Variants in RAP1GAP2 observed in about 807,000 individuals in gnomAD.
RAP1GAP2 encodes the protein RAP1 GTPase activating protein 2.
A neutral mutation model predicts 95.0 loss-of-function variants in RAP1GAP2; 27 were observed. The observed-to-expected ratio is 0.28, with a 90% CI of 0.21 to 0.39. The LOEUF is 0.39. Among genes scored for constraint, RAP1GAP2 ranks in the 10% least tolerant of loss-of-function variants. RAP1GAP2 has a pLI of 1.00. For synonymous variants in RAP1GAP2, 373 were observed against 380.9 expected (o/e 0.98, Z 0.24); for missense variants, 771 against 970.0 (o/e 0.79, Z 2.72).
intron 11 of RAP1GAP2, among the ~76,000 whole-genome samples, chr17:2,990,056 G>A (rs141772096): frequency 3.7e-4 from 57 of 152,308 alleles, no homozygotes; most frequent in African/African-American, 1.3e-3. Flanking sequence ...CCAGGTCGTA[G>A]TATGTATCAG....
chr17:3,005,507 G>T lies in RAP1GAP2; in HGVS notation c.1272+67G>T. 6.5e-7 allele frequency: 1 copy of T among 1,531,142 alleles called. No individual in the cohort carries two copies. The highest frequency in any genetic ancestry group is 9.1e-7 in the Non-Finnish European group (1 of 1,104,482). 94.8% of individuals were successfully genotyped at this position (1,531,142 alleles called of 1,614,324 possible). A position where few individuals can be genotyped will look rare whatever the true frequency, so the allele number is the denominator to read the frequency against. On this transcript the variant is annotated intron_variant, in intron 15 of 24. Coordinates refer to ENST00000254695, the MANE Select transcript of RAP1GAP2 (RefSeq NM_015085.5). This position sits in a 1 kb window ranked among gnomAD's most constrained non-coding sequence, Gnocchi z 5.2. ...CAGGTCTCAGTGCTTGAGTAGCAAT[G>T]GTTGGGATGGAGCCAAATTCAGGCT...
chr17:2,945,473 T>C (rs2043667861), intron 3 of RAP1GAP2, among the ~76,000 whole-genome samples: 1 of 152,138 alleles, frequency 6.6e-6, no homozygotes, highest in Admixed American at 6.5e-5. Context: ...TAGATACCTT[T>C]TATTTCTTTG....
At chr17:3,030,515 G>A (rs2047258344) in intron 22 of RAP1GAP2, among the ~76,000 whole-genome samples, 1 of 152,152 alleles carries the variant, frequency 6.6e-6, no homozygotes, top group South Asian at 2.1e-4. Flanking sequence ...CTGACGTGAT[G>A]TCCTCGAACG....
rs954029499 is a variant in RAP1GAP2 at position 2,844,485 on chromosome 17, G to C, written c.80+43935G>C. On this transcript the variant is annotated intron_variant, in intron 2 of 24. Coordinates refer to ENST00000254695, the MANE Select transcript of RAP1GAP2 (RefSeq NM_015085.5). ...CTGGAAGGATTTTCCTTATGGAAAG[G>C]GGGTGGAAAAGCCCCAGAAAGCAGG... Among the ~76,000 whole-genome samples the C allele has an allele frequency of 7.6e-4, 116 of 152,202 alleles. 1 individual carries two copies. Among genetic ancestry groups the C allele is most frequent in the Non-Finnish European group, 7.2e-4 (49 of 68,040 alleles).
At chr17:2,883,745 C>T (rs1214511836) in intron 2 of RAP1GAP2, among the ~76,000 whole-genome samples, 1 of 152,194 alleles carries the variant, frequency 6.6e-6, no homozygotes, top group East Asian at 1.9e-4. Flanking sequence ...TCCTGATGGC[C>T]GCAGGATGAT....
At chr17:3,000,398 T>C (rs1003120292) in intron 14 of RAP1GAP2, among the ~76,000 whole-genome samples, 1 of 151,834 alleles carries the variant, frequency 6.6e-6, no homozygotes, top group Non-Finnish European at 1.5e-5. Flanking sequence ...CTCGTGGAGG[T>C]AACAGAATCA....
intron 1 of RAP1GAP2, among the ~76,000 whole-genome samples, chr17:2,785,022 GCCTGCGGCATCATCCC>G (rs961431734): frequency 1.2e-4 from 19 of 152,304 alleles, no homozygotes; most frequent in East Asian, 3.9e-4. Context: ...CTGTTCATCT[GCCTGCGGCATCATCCC>G]CCTGCGGCAT....
intron 2 of RAP1GAP2, among the ~76,000 whole-genome samples, chr17:2,848,665 C>G (rs1005774713): frequency 1.3e-5 from 2 of 152,108 alleles, no homozygotes; most frequent in South Asian, 2.1e-4. Flanking sequence ...AAGCGCCCGC[C>G]ACCACGCCTG....
At chr17:3,028,568 A>T (rs1425778945) in intron 22 of RAP1GAP2, among the ~76,000 whole-genome samples, 1 of 152,152 alleles carries the variant, frequency 6.6e-6, no homozygotes, top group East Asian at 1.9e-4. Context: ...CAGCGAAGGG[A>T]TGTTGCAAAG....
chr17:2,873,526 A>AGAAAGGTGTG (rs1447727644), intron 2 of RAP1GAP2, among the ~76,000 whole-genome samples: 105 of 141,454 alleles, frequency 7.4e-4, no homozygotes, highest in African/African-American at 2.6e-3. Flanking sequence ...CAGCAGCTGC[A>AGAAAGGTGTG]GAAAGGTGTG....
At chr17:2,945,353 TC>T (rs1440121513) in intron 3 of RAP1GAP2, among the ~76,000 whole-genome samples, 3 of 152,214 alleles carry the variant, frequency 2.0e-5, no homozygotes, top group African/African-American at 7.2e-5. Context: ...TTTGCAGACT[TC>T]CTTTATCAGC....
chr17:2,970,284 A>AAT (rs1268964099), intron 8 of RAP1GAP2, among the ~76,000 whole-genome samples: 2 of 148,210 alleles, frequency 1.3e-5, no homozygotes, highest in Non-Finnish European at 3.0e-5. Context: ...AAAAAAAAAA[A>AAT]AAAAAAAAAA....
At chr17:2,877,212 T>C (rs1212663463) in intron 2 of RAP1GAP2, among the ~76,000 whole-genome samples, 1 of 152,076 alleles carries the variant, frequency 6.6e-6, no homozygotes, top group African/African-American at 2.4e-5. Flanking sequence ...TTATTCCCCA[T>C]GTCCACTTGT....
intron 2 of RAP1GAP2, among the ~76,000 whole-genome samples, chr17:2,854,536 G>T (rs1164391138): frequency 6.6e-6 from 1 of 152,258 alleles, no homozygotes; most frequent in East Asian, 1.9e-4. Context: ...TGCGCTCGGT[G>T]CCGGCAGGCG....
intron 2 of RAP1GAP2, among the ~76,000 whole-genome samples, chr17:2,889,395 G>A (rs1029420154): frequency 7.2e-5 from 11 of 152,128 alleles, no homozygotes; most frequent in African/African-American, 2.2e-4. Flanking sequence ...GTCAGGGTGC[G>A]TGTTAGAGCC....
chr17:2,913,048 C>T (rs542387630), intron 3 of RAP1GAP2, among the ~76,000 whole-genome samples: 2 of 152,174 alleles, frequency 1.3e-5, no homozygotes, highest in African/African-American at 2.4e-5. Flanking sequence ...CCTATTGGCT[C>T]ATGCCTATAG....
At position 3,003,660 on chromosome 17, in the gene RAP1GAP2, C is replaced by T. The variant is rs952928864; in HGVS notation, c.1201-1709C>T. Among the ~76,000 whole-genome samples the T allele has an allele frequency of 6.6e-6, 1 of 152,198 alleles. No individual in the cohort carries two copies. Among genetic ancestry groups the T allele is most frequent in the African/African-American group, 2.4e-5 (1 of 41,446 alleles). On this transcript the variant is annotated intron_variant, in intron 14 of 24. Coordinates refer to ENST00000254695, the MANE Select transcript of RAP1GAP2 (RefSeq NM_015085.5). This position sits in a 1 kb window ranked among gnomAD's most constrained non-coding sequence, Gnocchi z 4.1. ...CAGGTCCCTTCCCCAGAGTCACCTG[C>T]ATCTGCCTCTCTCCCTCCCTCCAAG...
At chr17:2,820,901 T>TTTTTTTTTTTTTTTTC (rs2070267399) in intron 2 of RAP1GAP2, among the ~76,000 whole-genome samples, 1 of 147,370 alleles carries the variant, frequency 6.8e-6, no homozygotes, top group Non-Finnish European at 1.5e-5. Flanking sequence ...GGTTTTTTTT[T>TTTTTTTTTTTTTTTTC]TTTTTTTTGT....
At chr17:2,823,919 C>G (rs188365794) in intron 2 of RAP1GAP2, among the ~76,000 whole-genome samples, 4 of 150,632 alleles carry the variant, frequency 2.7e-5, no homozygotes, top group African/African-American at 7.3e-5. Context: ...GTCAGGAGAT[C>G]GAGACCATCC....
Sources: gnomAD v4.1 joint callset for allele counts (sites outside exome capture counted in the v4.1 genomes callset) on GRCh38, gnomAD v4.1.1 for gene constraint, Gnocchi (gnomAD v3.1) non-coding constraint, MANE v1.5 for transcripts, NCBI Gene and HGNC (gene_info 2026-07-23, HGNC 2026-07-21) for gene names.